Variants in RFFL observed in about 807,000 individuals in gnomAD.
RFFL encodes the protein E3 ubiquitin-protein ligase rififylin.
Under a neutral mutation model 40.4 loss-of-function variants are expected in RFFL, and 16 were observed. The ratio of observed to expected loss-of-function variants is 0.40; its 90% confidence interval spans 0.27 to 0.60. The LOEUF (loss-of-function observed/expected upper bound fraction) is 0.60, where lower values mean the gene tolerates loss of function less well. RFFL is among the 20% of genes least tolerant of loss of function. RFFL has a pLI of 0.47. For missense variants in RFFL, 367 were observed against 451.7 expected (o/e 0.81, Z 1.70); for synonymous variants, 154 against 167.9 (o/e 0.92, Z 0.64).
chr17:35,038,375 G>C (rs978574693), intron 1 of RFFL, among the ~76,000 whole-genome samples: 2 of 150,666 alleles, frequency 1.3e-5, no homozygotes, highest in African/African-American at 4.9e-5. Flanking sequence ...TGGAAATTTT[G>C]TGTGTGTGTG....
At chr17:35,024,180 A>G (rs1222778137) in intron 2 of RFFL, among the ~76,000 whole-genome samples, 1 of 152,120 alleles carries the variant, frequency 6.6e-6, no homozygotes, top group Non-Finnish European at 1.5e-5. Context: ...TGCCGTGTGC[A>G]GGGTTCTGCT....
chr17:35,075,183 T>G (rs1334440739), intron 1 of RFFL, among the ~76,000 whole-genome samples: 1 of 152,140 alleles, frequency 6.6e-6, no homozygotes, highest in Non-Finnish European at 1.5e-5. Context: ...GCTGACAACA[T>G]GCTACCCTGC....
rs562835377 is a variant in RFFL at position 35,052,397 on chromosome 17, G to A, written c.-9+11179C>T. Among the ~76,000 whole-genome samples the A allele has an allele frequency of 7.2e-5, 11 of 152,234 alleles. No homozygotes were observed. The South Asian group carries it at 1.7e-3, about 23-fold the overall frequency. ...CCTATGCTGCTCATCTGATTCATGG[G>A]GGAACTCAAGCCACAAAAGGATGGA... On this transcript the variant is annotated intron_variant, in intron 1 of 6. Transcript: ENST00000394597.
At chr17:35,017,292 T>C (rs2090980072) in intron 4 of RFFL, among the ~76,000 whole-genome samples, 1 of 152,030 alleles carries the variant, frequency 6.6e-6, no homozygotes, top group South Asian at 2.1e-4. Context: ...GGAAATACAA[T>C]GGGCCATGAG....
At chr17:35,058,307 G>C (rs897302152) in intron 1 of RFFL, among the ~76,000 whole-genome samples, 3 of 152,136 alleles carry the variant, frequency 2.0e-5, no homozygotes, top group Non-Finnish European at 4.4e-5. Context: ...ACCCCCAGGA[G>C]ACACTGAGTC....
intron 1 of RFFL, among the ~76,000 whole-genome samples, chr17:35,073,669 C>T (rs2091362055): frequency 6.6e-6 from 1 of 152,132 alleles, no homozygotes; most frequent in African/African-American, 2.4e-5. Flanking sequence ...CCACTAACAT[C>T]ACTTACAAGA....
chr17:35,036,907 A>G (rs2091126933), intron 1 of RFFL, among the ~76,000 whole-genome samples: 1 of 152,194 alleles, frequency 6.6e-6, no homozygotes, highest in African/African-American at 2.4e-5. Context: ...TGAAGGGGAG[A>G]GAGGAGTAGA....
rs1222403265 is a variant in RFFL at position 35,007,810 on chromosome 17, C to T, written c.*4158G>A. On this transcript the variant is annotated 3_prime_UTR_variant, in exon 7 of 7. Transcript: ENST00000394597. Reference sequence around the variant, plus strand: ...GCAGTGGTGCAATCTCAGCTCACTGCAACCTCTGCTTCCCGGGTTCACAAG... The same window carrying T: ...GCAGTGGTGCAATCTCAGCTCACTGTAACCTCTGCTTCCCGGGTTCACAAG... 2 of 151,898 alleles carry T rather than the reference C, an allele frequency of 1.3e-5. No homozygotes were observed. Among genetic ancestry groups the T allele is most frequent in the Admixed American group, 1.3e-4 (2 of 15,230 alleles). The allele number at this position is 151,898 out of a possible 1,614,324, so 9.4% of individuals were successfully genotyped here.
At chr17:35,041,525 G>A (rs551111172) in intron 1 of RFFL, among the ~76,000 whole-genome samples, 27 of 151,876 alleles carry the variant, frequency 1.8e-4, no homozygotes, top group African/African-American at 6.5e-4. Flanking sequence ...AATTCATGCC[G>A]TGCTACTTTT....
At chr17:35,035,348 G>A (rs1457714729) in intron 1 of RFFL, among the ~76,000 whole-genome samples, 1 of 151,568 alleles carries the variant, frequency 6.6e-6, no homozygotes, top group African/African-American at 2.4e-5. Context: ...GGTGGAGGTT[G>A]CAGTGAGCTG....
intron 1 of RFFL, among the ~76,000 whole-genome samples, chr17:35,056,938 G>C (rs1817516594): frequency 6.7e-6 from 1 of 149,308 alleles, no homozygotes; most frequent in Admixed American, 6.7e-5. Context: ...TTTTGAGACA[G>C]AGTTTTCACT....
chr17:35,047,875 C>T (rs2091209125), intron 1 of RFFL, among the ~76,000 whole-genome samples: 1 of 151,902 alleles, frequency 6.6e-6, no homozygotes, highest in Non-Finnish European at 1.5e-5. Context: ...CCTCAGCCTC[C>T]CAAGTAGCTG....
At chr17:35,025,835 T>C (rs2142326885) in intron 2 of RFFL, among the ~76,000 whole-genome samples, 1 of 152,372 alleles carries the variant, frequency 6.6e-6, no homozygotes, top group East Asian at 1.9e-4. Context: ...CTCCCAAGCA[T>C]TTCAAATGAA....
At chr17:35,031,963 T>C (rs533513626) in intron 1 of RFFL, among the ~76,000 whole-genome samples, 48 of 151,682 alleles carry the variant, frequency 3.2e-4, no homozygotes, top group Non-Finnish European at 5.4e-4. Flanking sequence ...GGCGTGATGG[T>C]GGACGCCTGT....
chr17:35,075,138 A>G (rs2091369586), intron 1 of RFFL, among the ~76,000 whole-genome samples: 1 of 152,210 alleles, frequency 6.6e-6, no homozygotes, highest in Non-Finnish European at 1.5e-5. Flanking sequence ...AATCAAGGTT[A>G]TAATAACGCA....
chr17:35,038,155 G>A (rs979326997), intron 1 of RFFL, among the ~76,000 whole-genome samples: 4 of 152,042 alleles, frequency 2.6e-5, no homozygotes, highest in Non-Finnish European at 5.9e-5. Flanking sequence ...CAGGCGTGGT[G>A]GCACATGCCT....
At chr17:35,084,433 A>G (rs1245516937) in intron 1 of RFFL, among the ~76,000 whole-genome samples, 1 of 151,904 alleles carries the variant, frequency 6.6e-6, no homozygotes, top group Non-Finnish European at 1.5e-5. Context: ...GTCTCTACTA[A>G]AAATACAAAA....
intron 3 of RFFL, among the ~76,000 whole-genome samples, chr17:35,017,913 A>C (rs2090984686): frequency 6.6e-6 from 1 of 152,210 alleles, no homozygotes; most frequent in African/African-American, 2.4e-5. Context: ...ACCACAGGTG[A>C]AGGGAAGGTC....
chr17:35,079,735 A>C (rs989282751), intron 1 of RFFL, among the ~76,000 whole-genome samples: 1 of 152,184 alleles, frequency 6.6e-6, no homozygotes, highest in Non-Finnish European at 1.5e-5. Flanking sequence ...AATCATCTGA[A>C]GTGCTGGATT....
Sources: gnomAD v4.1 joint callset for allele counts (sites outside exome capture counted in the v4.1 genomes callset) on GRCh38, gnomAD v4.1.1 for gene constraint, MANE v1.5 for transcripts, NCBI Gene and HGNC (gene_info 2026-07-23, HGNC 2026-07-21) for gene names.